APPL1: variants seen among roughly 807,000 people sequenced by gnomAD.
APPL1 encodes the protein DCC-interacting protein 13-alpha.
A neutral mutation model predicts 106.8 loss-of-function variants in APPL1; 42 were observed. The ratio of observed to expected loss-of-function variants is 0.39; its 90% CI spans 0.31 to 0.51. The LOEUF (loss-of-function observed/expected upper bound fraction) is 0.51, where lower values mean the gene tolerates loss of function less well. Ranked by LOEUF, APPL1 falls within the 20% of genes least tolerant of loss-of-function variation. The pLI is 0.75. For missense variants in APPL1, 769 were observed against 858.2 expected (o/e 0.90, Z 1.30); for synonymous variants, 263 against 281.8 (o/e 0.93, Z 0.67).
intron 19 of APPL1, among the ~76,000 whole-genome samples, chr3:57,264,358 T>C (rs973441289): frequency 2.0e-5 from 3 of 152,116 alleles, no homozygotes; most frequent in African/African-American, 7.2e-5. Flanking sequence ...GATTGTTTCC[T>C]TTGCAGTGCA....
intron 7 of APPL1, among the ~76,000 whole-genome samples, chr3:57,244,192 G>A (rs916881911): frequency 1.3e-5 from 2 of 150,246 alleles, no homozygotes; most frequent in African/African-American, 4.9e-5. Context: ...GCCTCATTCT[G>A]TCTCCCAGGC....
intron 9 of APPL1, 142 bp downstream of exon 9, chr3:57,247,619 ACTT>A (rs1391730176): frequency 3.4e-6 from 2 of 586,834 alleles, no homozygotes; most frequent in African/African-American, 3.8e-5. Flanking sequence ...GTTCATGGTT[ACTT>A]CTTGTTTTTT....
At chr3:57,229,475 G>GT (rs112995929) in intron 1 of APPL1, among the ~76,000 whole-genome samples, 339 of 145,602 alleles carry the variant, frequency 2.3e-3, no homozygotes, top group African/African-American at 5.5e-3. Context: ...AAGAATTGTG[G>GT]TTTTTTTTTT....
chr3:57,268,247 TTGTTTAC>T, intron 20 of APPL1, 144 bp from the exon 21 acceptor site: 1 of 747,778 alleles, frequency 1.3e-6, no homozygotes, highest in Non-Finnish European at 2.1e-6. Context: ...ATTTGGATAA[TTGTTTAC>T]CATTGAATAT....
Position 57,272,299 on chromosome 3 carries a change from A to G in APPL1, c.*2612A>G, listed in dbSNP as rs2060947545. Reference sequence around the variant, plus strand: ...AACTTGCCAACCAGGGATTAAAGCTATTATCTTGAACAGAGTCCCTAAAGC... The same window carrying G: ...AACTTGCCAACCAGGGATTAAAGCTGTTATCTTGAACAGAGTCCCTAAAGC... On this transcript the variant is annotated 3_prime_UTR_variant, in exon 22 of 22. Coordinates refer to ENST00000288266, the MANE Select transcript of APPL1 (RefSeq NM_012096.3). 1 of 152,158 alleles carries G rather than the reference A, an allele frequency of 6.6e-6. No individual in the cohort carries two copies. 9.4% of individuals were successfully genotyped at this position (152,158 alleles called of 1,614,324 possible). A position where few individuals can be genotyped will look rare whatever the true frequency, so the allele number is the denominator to read the frequency against.
chr3:57,259,727 GA>G, intron 16 of APPL1, 117 bp from the exon 17 acceptor site: 1 of 867,462 alleles, frequency 1.2e-6, no homozygotes, highest in African/African-American at 1.8e-5. Context: ...TTTTTCACTA[GA>G]AAACCTAAAA....
Position 57,257,025 on chromosome 3 carries a change from G to T in APPL1, c.1221G>T (p.Arg407Ser), listed in dbSNP as rs577975726. Residue 407 changes from arginine to serine, a missense_variant, in exon 14 of 22, where the codon AGG becomes AGT. Transcript: ENST00000288266. ...AVTPSPSFQQRHESLRPAAGQ... is the reference protein window; with the variant it reads ...AVTPSPSFQQSHESLRPAAGQ... Reference sequence around the variant, plus strand: ...CTCCTTCCCCATCTTTCCAGCAGAGGCACGAGAGCCTGCGGCCAGCAGCAG... The same window carrying T: ...CTCCTTCCCCATCTTTCCAGCAGAGTCACGAGAGCCTGCGGCCAGCAGCAG... 2.0e-5 allele frequency: 32 copies of T among 1,614,122 alleles called. 1 individual carries two copies. The Middle Eastern group carries it at 9.9e-4, about 50-fold the overall frequency.
In APPL1 at chr3:57,246,126, C is replaced by T; in HGVS notation, c.525C>T (p.His175=). The change falls in exon 8 of 22, where the codon CAC becomes CAT. Residue 175 remains histidine, a synonymous_variant. Coordinates refer to ENST00000288266, the MANE Select transcript of APPL1 (RefSeq NM_012096.3). ...TGTACACATCCAGAAAGAAACAACA[C>T]CAGACCATGATGCATTATTTTTGTG... is the stretch of plus-strand genomic sequence containing the variant. ...EDVYTSRKKQ[H]QTMMHYFCAL... 1 of 1,611,836 alleles carries T rather than the reference C, an allele frequency of 6.2e-7. No individual in the cohort carries two copies. The highest frequency in any genetic ancestry group is 8.5e-7 in the Non-Finnish European group (1 of 1,178,874).
At chr3:57,232,140 G>A in intron 1 of APPL1, among the ~76,000 whole-genome samples, 1 of 152,142 alleles carries the variant, frequency 6.6e-6, no homozygotes, top group Non-Finnish European at 1.5e-5. Flanking sequence ...TAATTACTAA[G>A]AACAGATAAT....
In APPL1 at chr3:57,272,912, ATTAATGTTGGTTC is replaced by A. The variant is rs1428406706; in HGVS notation, c.*3227_*3239del. ...CCGTGCCCGGCCCTAAAATGAAATT[ATTAATGTTGGTTC>A]TGAAACAGCCTCTTAGCATTCAGAT... is the stretch of plus-strand genomic sequence containing the variant. On this transcript the variant is annotated 3_prime_UTR_variant, in exon 22 of 22. Transcript: ENST00000288266. The A allele has an allele frequency of 6.6e-6, 1 of 152,304 alleles. No individual in the cohort carries two copies. The allele number at this position is 152,304 out of a possible 1,614,324, so 9.4% of individuals were successfully genotyped here.
chr3:57,254,755 G>C (rs1196691973), intron 13 of APPL1, among the ~76,000 whole-genome samples: 1 of 152,174 alleles, frequency 6.6e-6, no homozygotes, highest in African/African-American at 2.4e-5. Context: ...CTTTTGAGTG[G>C]CTGGGACTAC....
In APPL1 at chr3:57,259,965, A is replaced by G. The variant is rs759085855; in HGVS notation, c.1604A>G (p.His535Arg). ...CAAATCTTAGCTGCCCGGGCCATCC[A>G]TAACATCTTTCGTATGACAGAATCG... ...MRQILAARAI[H>R]NIFRMTESHL... The change falls in exon 17 of 22, where the codon CAT becomes CGT. Residue 535 changes from histidine to arginine, a missense_variant. His to Arg is a conservative substitution (Grantham distance 29, BLOSUM62 0). Transcript: ENST00000288266. The G allele has an allele frequency of 2.5e-6, 4 of 1,614,080 alleles. No homozygotes were observed. Among genetic ancestry groups the G allele is most frequent in the South Asian group, 1.1e-5 (1 of 91,042 alleles).
intron 7 of APPL1, 97 bp downstream of exon 7, chr3:57,243,011 T>C: frequency 1.2e-6 from 1 of 833,620 alleles, no homozygotes; most frequent in Non-Finnish European, 1.9e-6. Flanking sequence ...TTACTTTGTA[T>C]GTTTTGTTAT....
rs773282709 is a variant in APPL1, at chr3:57,257,439, G to C, written c.1430+11G>C. 1.5e-4 allele frequency: 234 copies of C among 1,605,922 alleles called. No individual in the cohort carries two copies. The highest frequency in any genetic ancestry group is 1.8e-4 in the Non-Finnish European group (217 of 1,175,966). ...TGGCCAGGGAGGCAGGTGGGTGATAGCATCACAGGTACATTGTGCTGTGGT... is the reference window on the plus strand; with the variant it reads ...TGGCCAGGGAGGCAGGTGGGTGATACCATCACAGGTACATTGTGCTGTGGT... On this transcript the variant is annotated intron_variant, in intron 15 of 21. Coordinates refer to ENST00000288266, the MANE Select transcript of APPL1 (RefSeq NM_012096.3).
chr3:57,246,330 T>A, intron 8 of APPL1, 108 bp downstream of exon 8: 1 of 804,184 alleles, frequency 1.2e-6, no homozygotes, highest in Non-Finnish European at 1.7e-6. Flanking sequence ...ACATCCTTGT[T>A]TATGTCTGTG....
intron 19 of APPL1, among the ~76,000 whole-genome samples, chr3:57,265,138 AGTTTTTT>A (rs1368299587): frequency 7.3e-5 from 11 of 151,276 alleles, no homozygotes; most frequent in African/African-American, 2.4e-4. Flanking sequence ...AGTGTTTTAT[AGTTTTTT>A]GTTTTTTTTG....
At chr3:57,265,653 G>T (rs1208846438) in intron 19 of APPL1, among the ~76,000 whole-genome samples, 1 of 152,144 alleles carries the variant, frequency 6.6e-6, no homozygotes, top group Non-Finnish European at 1.5e-5. Flanking sequence ...TTTTTTGGTG[G>T]AGTCTAGGTT....
In APPL1 at chr3:57,270,609, TTAAAG is replaced by T. The variant is rs1391645121; in HGVS notation, c.*927_*931del. 3.9e-5 allele frequency: 6 copies of T among 152,650 alleles called. No individual in the cohort carries two copies. The highest frequency in any genetic ancestry group is 8.8e-5 in the Non-Finnish European group (6 of 68,030). 9.5% of individuals were successfully genotyped at this position (152,650 alleles called of 1,614,324 possible). On this transcript the variant is annotated 3_prime_UTR_variant, in exon 22 of 22. Transcript: ENST00000288266. ...GTTCTATAACAATTATGTTTCATGCTTAAAGTAAAAATTCCCAGAGTTTAGTTTAG... is the reference window on the plus strand; with the variant it reads ...GTTCTATAACAATTATGTTTCATGCTTAAAAATTCCCAGAGTTTAGTTTAG...
chr3:57,247,453 C>T lies in APPL1; in HGVS notation c.680C>T (p.Ala227Val). 6.2e-7 allele frequency: 1 copy of T among 1,609,180 alleles called. No homozygotes were observed. The highest frequency in any genetic ancestry group is 8.5e-7 in the Non-Finnish European group (1 of 1,176,438). ...NLNEQLEEFLANIGTSVQNVR... is the reference protein window; with the variant it reads ...NLNEQLEEFLVNIGTSVQNVR... ...AATGAACAACTGGAAGAATTTTTAG[C>T]TAATATTGGAACAAGCGTTCAGAAG... Residue 227 changes from alanine (A) to valine (V), a missense_variant, in exon 9 of 22, where the codon GCT (alanine) becomes GTT (valine). Transcript: ENST00000288266.
Sources: gnomAD v4.1 joint callset for allele counts (sites outside exome capture counted in the v4.1 genomes callset) on GRCh38, gnomAD v4.1.1 for gene constraint, MANE v1.5 for transcripts, NCBI Gene and HGNC (gene_info 2026-07-23, HGNC 2026-07-21) for gene names.